Variants in MED12 observed in about 807,000 individuals in gnomAD.
MED12 encodes mediator of RNA polymerase II transcription subunit 12.
A neutral mutation model predicts 177.7 loss-of-function variants in MED12; 10 were observed. That is an observed-to-expected ratio of 0.06 (90% CI 0.03 to 0.10). The LOEUF is 0.10. MED12 is among the 10% of genes least tolerant of loss of function. MED12 has a pLI of 1.00. For synonymous variants in MED12, 641 were observed against 678.4 expected (o/e 0.94, Z 0.86); for missense variants, 867 against 1,780.8 (o/e 0.49, Z 9.23).
intron 31 of MED12, 62 bp downstream of exon 31, chrX:71,132,600 G>A (rs2092320319): frequency 3.5e-6 from 4 of 1,129,972 alleles, no homozygotes; most frequent in East Asian, 3.3e-5. Flanking sequence ...GCAGGCCCGG[G>A]GAAGAATAAA....
Position 71,123,165 on chromosome X carries a change from G to A in MED12, c.1556G>A (p.Arg519Gln), listed in dbSNP as rs1323878836. Residue 519 changes from arginine to glutamine, a missense_variant, in exon 11 of 45, where the codon CGG becomes CAG. Transcript: ENST00000374080. ...EWAVSCKRSG[R>Q]HRAMVVAKLL... ...GCTGTCAGCTGCAAGCGTTCTGGTC[G>A]GCATCGTGCTATGGTGGTAGCCAAG... 2.5e-6 allele frequency: 3 copies of A among 1,209,430 alleles called. No homozygotes were observed. Among genetic ancestry groups the A allele is most frequent in the African/African-American group, 3.5e-5 (2 of 56,991 alleles).
rs144363608 is a variant in MED12, at chrX:71,120,388, G to C, written c.553+218G>C. Reference sequence around the variant, plus strand: ...AATCTCTGCCCCTAGGATACTAGTAGTCTAACAGGGCTGCTAAGGTATATG... The same window carrying C: ...AATCTCTGCCCCTAGGATACTAGTACTCTAACAGGGCTGCTAAGGTATATG... On this transcript the variant is annotated intron_variant, in intron 4 of 44. Coordinates refer to ENST00000374080, the MANE Select transcript of MED12 (RefSeq NM_005120.3). Among the ~76,000 whole-genome samples, 779 of 110,065 alleles carry C rather than the reference G, an allele frequency of 7.1e-3. 6 individuals are homozygous for C. The highest frequency in any genetic ancestry group is 0.025 in the African/African-American group (753 of 30,227).
chrX:71,126,184 C>T, intron 18 of MED12, 30 bp downstream of exon 18: 2 of 1,168,985 alleles, frequency 1.7e-6, no homozygotes, highest in African/African-American at 1.8e-5. Context: ...CCCTTTCCCA[C>T]ATTCTGGCCT....
chrX:71,120,670 G>A (rs959763280), intron 4 of MED12, among the ~76,000 whole-genome samples: 1 of 109,859 alleles, frequency 9.1e-6, no homozygotes, highest in African/African-American at 3.3e-5. Flanking sequence ...GAGTGCAGTG[G>A]CAGGATCTTG....
rs2092288424 is a variant in MED12 at position 71,121,161 on chromosome X, T to C, written c.735+9T>C. On this transcript the variant is annotated intron_variant, in intron 5 of 44. Coordinates refer to ENST00000374080, the MANE Select transcript of MED12 (RefSeq NM_005120.3). ...CCATGTTCATGTTTCAGGTAGAGAG[T>C]AGGGCATGCTGTGTGGGGCATTGGG... is the stretch of plus-strand genomic sequence containing the variant. 2 of 1,209,178 alleles carry C rather than the reference T, an allele frequency of 1.7e-6. No individual in the cohort carries two copies. The highest frequency in any genetic ancestry group is 2.2e-5 in the Admixed American group (1 of 45,800).
rs2147827976 is a variant in MED12, at chrX:71,136,922, C to T, written c.5444C>T (p.Thr1815Ile). The change falls in exon 38 of 45, where the codon ACA becomes ATA. Residue 1815 changes from threonine (T) to isoleucine (I), a missense_variant. Coordinates refer to ENST00000374080, the MANE Select transcript of MED12 (RefSeq NM_005120.3). ...GPGRSGPYGV[T>I]VPPDLLHHPN... ...GGTCGGAGCGGCCCTTATGGTGTGA[C>T]AGTGCCTCCGGACCTCCTGCACCAC... is the stretch of plus-strand genomic sequence containing the variant. 8.3e-7 allele frequency: 1 copy of T among 1,210,764 alleles called. No individual in the cohort carries two copies. Among genetic ancestry groups the T allele is most frequent in the South Asian group, 1.8e-5 (1 of 56,952 alleles).
At chrX:71,142,052 G>T in intron 44 of MED12, 88 bp downstream of exon 44, 1 of 1,120,266 alleles carries the variant, frequency 8.9e-7, no homozygotes, top group South Asian at 1.8e-5. Flanking sequence ...ATAGCTTCAG[G>T]CCCAGGTTAT....
At position 71,141,618 on chromosome X, in the gene MED12, G is replaced by A. The variant is rs145709783; in HGVS notation, c.6408+248G>A. 1.7e-4 allele frequency among the ~76,000 whole-genome samples: 19 copies of A among 111,816 alleles called. No individual in the cohort carries two copies. The East Asian group carries it at 5.0e-3, about 30-fold the overall frequency. ...AGCCTGGCCAAGATGGTGAAACCCC[G>A]TCTCTACTAAAAATACAAAAAATAA... On this transcript the variant is annotated intron_variant, in intron 43 of 44. Transcript: ENST00000374080.
At position 71,139,656 on chromosome X, in the gene MED12, T is replaced by C. The variant is rs187566324; in HGVS notation, c.6045-979T>C. On this transcript the variant is annotated intron_variant, in intron 41 of 44. Transcript: ENST00000374080. Reference sequence around the variant, plus strand: ...GCTCATGCCTGTAATCCCAGTACTTTGGGAGGCCCAGGCAGGCAGATCACC... The same window carrying C: ...GCTCATGCCTGTAATCCCAGTACTTCGGGAGGCCCAGGCAGGCAGATCACC... 5.0e-4 allele frequency among the ~76,000 whole-genome samples: 56 copies of C among 110,958 alleles called. No individual in the cohort carries two copies. In the East Asian group the frequency reaches 0.015, roughly 29 times the overall value.
At chrX:71,122,699 GC>G (rs2092292672) in intron 9 of MED12, 38 bp from the exon 10 acceptor site, 1 of 1,209,535 alleles carries the variant, frequency 8.3e-7, no homozygotes, top group East Asian at 3.0e-5. Context: ...AATGCACCGG[GC>G]CTCTGGTTCA....
Position 71,122,837 on chromosome X carries a change from G to C in MED12, c.1448G>C (p.Arg483Pro), listed in dbSNP as rs1456174589. ...FSNSLDSLCNRIFGLGPSKDG... is the reference protein window; with the variant it reads ...FSNSLDSLCNPIFGLGPSKDG... Reference sequence around the variant, plus strand: ...AACTCTCTTGACTCCCTTTGTAACCGAATCTTTGGATTGGGACCTAGCAAG... The same window carrying C: ...AACTCTCTTGACTCCCTTTGTAACCCAATCTTTGGATTGGGACCTAGCAAG... The change falls in exon 10 of 45, where the codon CGA (arginine) becomes CCA (proline). Residue 483 changes from arginine (R) to proline (P), a missense_variant. Arg to Pro is a moderately radical substitution (Grantham distance 103). Coordinates refer to ENST00000374080, the MANE Select transcript of MED12 (RefSeq NM_005120.3). The C allele has an allele frequency of 8.3e-7, 1 of 1,211,371 alleles. No homozygotes were observed. The highest frequency in any genetic ancestry group is 3.0e-5 in the East Asian group (1 of 33,863).
chrX:71,142,169 TCA>T lies in MED12; in HGVS notation c.6491-3_6491-2del. On this transcript the variant is annotated splice_region_variant and splice_polypyrimidine_tract_variant and intron_variant, in intron 44 of 44. Coordinates refer to ENST00000374080, the MANE Select transcript of MED12 (RefSeq NM_005120.3). ...TCCATCCCTGATAATCTCTGGTTTT[TCA>T]CAGATACCCAGCCACAGCCCAGTAC... 8.3e-7 allele frequency: 1 copy of T among 1,210,477 alleles called. No individual in the cohort carries two copies. The highest frequency in any genetic ancestry group is 1.8e-5 in the South Asian group (1 of 56,946).
intron 12 of MED12, 146 bp downstream of exon 12, chrX:71,123,866 C>T: frequency 1.6e-6 from 1 of 627,436 alleles, no homozygotes; most frequent in Non-Finnish European, 2.5e-6. Context: ...TTCTAGTGAT[C>T]CTCTTTAACT....
At chrX:71,140,544 C>T (rs980854721) in intron 41 of MED12, 91 bp from the exon 42 acceptor site, 8 of 1,204,764 alleles carry the variant, frequency 6.6e-6, no homozygotes, top group Admixed American at 2.2e-5. Context: ...AACCTGCTAA[C>T]GTTTCTTTCA....
At position 71,135,108 on chromosome X, in the gene MED12, G is replaced by A. The variant is rs759857680; in HGVS notation, c.4880G>A (p.Arg1627His). The A allele has an allele frequency of 1.5e-5, 18 of 1,208,992 alleles. No individual in the cohort carries two copies. Among genetic ancestry groups the A allele is most frequent in the African/African-American group, 5.3e-5 (3 of 56,928 alleles). Reference protein sequence around the residue: ...AKKLQKELGERQSDSLEKVRQ... With the variant: ...AKKLQKELGEHQSDSLEKVRQ... ...TGCCTGCAGAAGGAGTTGGGGGAGC[G>A]CCAGTCAGACAGTCTGGAAAAGGTT... Residue 1627 changes from arginine (R) to histidine (H), a missense_variant, in exon 36 of 45, where the codon CGC becomes CAC. Arg to His is a conservative substitution (Grantham distance 29). Transcript: ENST00000374080.
chrX:71,129,486 A>G lies in MED12; in HGVS notation c.3691+57A>G, dbSNP rs145180468. ...GTGTGTATAGGGTGGAGTGCCAGCT[A>G]AACTACAAGGGACAGTCTTTCTCCC... On this transcript the variant is annotated intron_variant, in intron 26 of 44. Coordinates refer to ENST00000374080, the MANE Select transcript of MED12 (RefSeq NM_005120.3). 6.1e-6 allele frequency: 6 copies of G among 981,543 alleles called. No homozygotes were observed. The African/African-American group carries it at 1.1e-4, about 19-fold the overall frequency. The allele number at this position is 981,543 out of a possible 1,213,427, so 80.9% of individuals were successfully genotyped here. A position where few individuals can be genotyped will look rare whatever the true frequency, so the allele number is the denominator to read the frequency against.
chrX:71,134,976 G>A (rs2092328551), intron 35 of MED12, 116 bp from the exon 36 acceptor site: 11 of 1,152,312 alleles, frequency 9.5e-6, no homozygotes, highest in African/African-American at 7.2e-5. Flanking sequence ...TACTCATGCC[G>A]TGAGCATTTA....
intron 37 of MED12, 65 bp downstream of exon 37, chrX:71,136,720 T>G (rs2092333515): frequency 1.0e-5 from 12 of 1,195,478 alleles, no homozygotes; most frequent in Non-Finnish European, 1.2e-5. Flanking sequence ...GGTTTCTGGT[T>G]TGTGGGAGGG....
intron 19 of MED12, 91 bp downstream of exon 19, chrX:71,126,575 C>A (rs2147796951): frequency 9.5e-7 from 1 of 1,051,211 alleles, no homozygotes; most frequent in Non-Finnish European, 1.3e-6. Flanking sequence ...GAGGCTCCAG[C>A]CAGTTTCCCA....
Sources: gnomAD v4.1 joint callset for allele counts (sites outside exome capture counted in the v4.1 genomes callset) on GRCh38, gnomAD v4.1.1 for gene constraint, MANE v1.5 for transcripts, NCBI Gene and HGNC (gene_info 2026-07-23, HGNC 2026-07-21) for gene names.